SNRNP200: variants seen among roughly 807,000 people sequenced by gnomAD.
The protein encoded by SNRNP200 is small nuclear ribonucleoprotein U5 subunit 200.
Under a neutral mutation model 255.2 loss-of-function variants are expected in SNRNP200, and 66 were observed. That is an observed-to-expected ratio of 0.26 (90% CI 0.21 to 0.32). The LOEUF (loss-of-function observed/expected upper bound fraction) is 0.32. Among genes scored for constraint, SNRNP200 ranks in the 10% least tolerant of loss-of-function variants. The pLI is 1.00. For missense variants in SNRNP200, 1,585 were observed against 2,749.8 expected, an observed-to-expected ratio of 0.58 and a Z score of 9.47; for synonymous variants, 939 against 1,027.8, an observed-to-expected ratio of 0.91 and a Z score of 1.65.
At position 96,281,886 on chromosome 2, in the gene SNRNP200, C is replaced by A; in HGVS notation, c.4952G>T (p.Cys1651Phe). ...GTGGGCAGCCACGTTCATGCCCCAG[C>A]AGAGACTCCGAGAAGCCACCACCAC... ...IQVVVASRSL[C>F]WGMNVAAHLV... Residue 1651 changes from cysteine to phenylalanine, a missense_variant, in exon 35 of 45, where the codon TGC becomes TTC. Coordinates refer to ENST00000323853, the MANE Select transcript of SNRNP200 (RefSeq NM_014014.5). 6.2e-7 allele frequency: 1 copy of A among 1,614,110 alleles called. No homozygotes were observed. The highest frequency in any genetic ancestry group is 8.5e-7 in the Non-Finnish European group (1 of 1,179,996).
chr2:96,289,129 A>T lies in SNRNP200; in HGVS notation c.3094-12T>A. The T allele has an allele frequency of 6.2e-7, 1 of 1,613,882 alleles. No individual in the cohort carries two copies. Among genetic ancestry groups the T allele is most frequent in the South Asian group, 1.1e-5 (1 of 90,990 alleles). On this transcript the variant is annotated splice_polypyrimidine_tract_variant and intron_variant, in intron 22 of 44. Transcript: ENST00000323853. ...TCCAGCTTCTCCTCCTGCCACAAGG[A>T]GGAAAAGGTCAAGGGAAAGCCTTGT...
chr2:96,296,801 T>C, intron 12 of SNRNP200, 110 bp from the exon 13 acceptor site: 2 of 1,548,506 alleles, frequency 1.3e-6, no homozygotes, highest in Admixed American at 3.4e-5. Flanking sequence ...CTGGGCACTT[T>C]ATCCTACTAT....
At chr2:96,301,503 G>A in intron 4 of SNRNP200, 21 bp downstream of exon 4, 1 of 1,612,848 alleles carries the variant, frequency 6.2e-7, no homozygotes, top group African/African-American at 1.3e-5. Context: ...AACATGATCA[G>A]AACATAAAGC....
chr2:96,287,165 A>C lies in SNRNP200; in HGVS notation c.3485-5T>G. 1.2e-6 allele frequency: 2 copies of C among 1,614,156 alleles called. No individual in the cohort carries two copies. The highest frequency in any genetic ancestry group is 1.7e-6 in the Non-Finnish European group (2 of 1,180,014). On this transcript the variant is annotated splice_polypyrimidine_tract_variant and splice_region_variant and intron_variant, in intron 26 of 44. Transcript: ENST00000323853. The surrounding 1 kb of genome is among the most constrained non-coding windows in gnomAD (Gnocchi z 5.7). ...TTGGCATGCGGATAAGCTCCCCTAC[A>C]AGGAAATGAGAGTACTGAGGCTGCA...
At position 96,277,277 on chromosome 2, in the gene SNRNP200, C is replaced by G; in HGVS notation, c.5932-36G>C. ...TATTCAGACGTCAGGAAAGAGAGAA[C>G]ACGGGCCAACAGCAAATGACACAGG... On this transcript the variant is annotated intron_variant, in intron 41 of 44. Coordinates refer to ENST00000323853, the MANE Select transcript of SNRNP200 (RefSeq NM_014014.5). This position sits in a 1 kb window ranked among gnomAD's most constrained non-coding sequence, Gnocchi z 4.4. 6.2e-7 allele frequency: 1 copy of G among 1,610,460 alleles called. No individual in the cohort carries two copies. The highest frequency in any genetic ancestry group is 8.5e-7 in the Non-Finnish European group (1 of 1,176,824).
At position 96,289,413 on chromosome 2, in the gene SNRNP200, T is replaced by G. The variant is rs374651689; in HGVS notation, c.2941-34A>C. On this transcript the variant is annotated intron_variant, in intron 21 of 44. Coordinates refer to ENST00000323853, the MANE Select transcript of SNRNP200 (RefSeq NM_014014.5). ...AAGGTAGACTCAATCCAGTGCTGAC[T>G]ATTAATGAGCTCCAACCTCTAACTG... 7 of 1,611,370 alleles carry G rather than the reference T, an allele frequency of 4.3e-6. No homozygotes were observed. In the African/African-American group the frequency reaches 9.3e-5, roughly 22 times the overall value.
chr2:96,284,537 C>T lies in SNRNP200; in HGVS notation c.4213G>A (p.Val1405Met), dbSNP rs1426966036. The T allele has an allele frequency of 2.5e-6, 4 of 1,613,980 alleles. No individual in the cohort carries two copies. The highest frequency in any genetic ancestry group is 3.4e-6 in the Non-Finnish European group (4 of 1,180,022). Reference sequence around the variant, plus strand: ...CTGGTCTCGCCTGTCAGGAGTACCACCTTCTTGTTGAGCCTGTCCTGGAAC... The same window carrying T: ...CTGGTCTCGCCTGTCAGGAGTACCATCTTCTTGTTGAGCCTGTCCTGGAAC... ...EKFQDRLNKK[V>M]VLLTGETSTD... The change falls in exon 31 of 45, where the codon GTG (valine) becomes ATG (methionine). Residue 1405 changes from valine to methionine, a missense_variant. By Grantham distance (21) the Val-to-Met change is conservative (BLOSUM62 1). This residue lies in a region of SNRNP200 where 719 missense variants were observed against 1,091.1 expected (regional missense o/e 0.66). Coordinates refer to ENST00000323853, the MANE Select transcript of SNRNP200 (RefSeq NM_014014.5).
At chr2:96,299,085 TC>T in intron 6 of SNRNP200, 118 bp from the exon 7 acceptor site, 1 of 1,355,780 alleles carries the variant, frequency 7.4e-7, no homozygotes, top group Non-Finnish European at 1.0e-6. Context: ...GTGAGGACTT[TC>T]CAGAGGAAAA....
rs769319911 is a variant in SNRNP200 at position 96,284,351 on chromosome 2, G to A, written c.4392+7C>T. ...TCCCTCATCTGTGCTGCAAGGTCAC[G>A]CCATACCCCATTCTCGCCCCCGATA... On this transcript the variant is annotated splice_region_variant and intron_variant, in intron 31 of 44. Transcript: ENST00000323853. 26 of 1,610,138 alleles carry A rather than the reference G, an allele frequency of 1.6e-5. No individual in the cohort carries two copies. The highest frequency in any genetic ancestry group is 4.5e-5 in the East Asian group (2 of 44,868).
At position 96,291,511 on chromosome 2, in the gene SNRNP200, C is replaced by A. The variant is rs773685067; in HGVS notation, c.2311-9G>T. The A allele has an allele frequency of 1.6e-5, 26 of 1,582,602 alleles. No individual in the cohort carries two copies. Among genetic ancestry groups the A allele is most frequent in the Non-Finnish European group, 2.2e-5 (25 of 1,151,412 alleles). ...TCCTTCAGCTCTAGGTTCTGTGGAA[C>A]AAAGAACCGGGGATGAGGCGAGCCT... is the stretch of plus-strand genomic sequence containing the variant. On this transcript the variant is annotated splice_polypyrimidine_tract_variant and intron_variant, in intron 17 of 44. Coordinates refer to ENST00000323853, the MANE Select transcript of SNRNP200 (RefSeq NM_014014.5). The surrounding 1 kb of genome is among the most constrained non-coding windows in gnomAD (Gnocchi z 4.2).
chr2:96,286,224 G>C lies in SNRNP200; in HGVS notation c.4003+87C>G. ...GAGCTCCCAGACCTCCCAAGTGCCTGAGCACCCCCACTCCCCTGCCTGCCA... is the reference window on the plus strand; with the variant it reads ...GAGCTCCCAGACCTCCCAAGTGCCTCAGCACCCCCACTCCCCTGCCTGCCA... On this transcript the variant is annotated intron_variant, in intron 29 of 44. Coordinates refer to ENST00000323853, the MANE Select transcript of SNRNP200 (RefSeq NM_014014.5). The surrounding 1 kb of genome is among the most constrained non-coding windows in gnomAD (Gnocchi z 4.8). 7.2e-7 allele frequency: 1 copy of C among 1,385,994 alleles called. No individual in the cohort carries two copies. Among genetic ancestry groups the C allele is most frequent in the Non-Finnish European group, 1.0e-6 (1 of 973,836 alleles). The allele number at this position is 1,385,994 out of a possible 1,614,324, so 85.9% of individuals were successfully genotyped here.
chr2:96,283,974 G>A lies in SNRNP200; in HGVS notation c.4423C>T (p.Arg1475Cys), dbSNP rs1573991823. Reference protein sequence around the residue: ...PVLEVICSRMRYISSQIERPI... With the variant: ...PVLEVICSRMCYISSQIERPI... Reference sequence around the variant, plus strand: ...CGCTCAATCTGGGAGGAGATGTAGCGCATTCGGGAGCAGATCACTTCTAAG... The same window carrying A: ...CGCTCAATCTGGGAGGAGATGTAGCACATTCGGGAGCAGATCACTTCTAAG... Residue 1475 changes from arginine (R) to cysteine (C), a missense_variant, in exon 32 of 45, where the codon CGC becomes TGC. By Grantham distance (180) the Arg-to-Cys change is radical. Around this residue, in one of 9 missense-constraint regions of SNRNP200, gnomAD observed 719 missense variants for 1,091.1 expected, o/e 0.66. Coordinates refer to ENST00000323853, the MANE Select transcript of SNRNP200 (RefSeq NM_014014.5). This position sits in a 1 kb window ranked among gnomAD's most constrained non-coding sequence, Gnocchi z 4.7. 3.1e-6 allele frequency: 5 copies of A among 1,593,008 alleles called. No homozygotes were observed. Among genetic ancestry groups the A allele is most frequent in the Non-Finnish European group, 3.4e-6 (4 of 1,170,222 alleles).
chr2:96,274,897 T>C lies in SNRNP200; in HGVS notation c.*115A>G. Reference sequence around the variant, plus strand: ...AGGTAGGCGGGGACAGCACCAGCCCTGGCTGGCCAGACCTGAGGCCCACAG... The same window carrying C: ...AGGTAGGCGGGGACAGCACCAGCCCCGGCTGGCCAGACCTGAGGCCCACAG... On this transcript the variant is annotated 3_prime_UTR_variant, in exon 45 of 45. Transcript: ENST00000323853. 8.1e-7 allele frequency: 1 copy of C among 1,234,226 alleles called. No homozygotes were observed. The highest frequency in any genetic ancestry group is 1.2e-6 in the Non-Finnish European group (1 of 843,034). The allele number at this position is 1,234,226 out of a possible 1,614,324, so 76.5% of individuals were successfully genotyped here.
rs1327398074 is a variant in SNRNP200 at position 96,279,014 on chromosome 2, G to A, written c.5134-16C>T. On this transcript the variant is annotated splice_polypyrimidine_tract_variant and intron_variant, in intron 36 of 44. Coordinates refer to ENST00000323853, the MANE Select transcript of SNRNP200 (RefSeq NM_014014.5). ...TGAAGAAATCCTGTGGGTTGGAGAG[G>A]GAGAAGGAGTAATAAAGAATTAGTG... 6 of 1,604,210 alleles carry A rather than the reference G, an allele frequency of 3.7e-6. No individual in the cohort carries two copies. In the African/African-American group the frequency reaches 6.7e-5, roughly 18 times the overall value.
chr2:96,295,392 T>C (rs1480981809), intron 14 of SNRNP200, 96 bp downstream of exon 14: 6 of 1,521,474 alleles, frequency 3.9e-6, no homozygotes, highest in Non-Finnish European at 5.4e-6. Flanking sequence ...GGCTAGTGCC[T>C]ACAGAAAAGG....
In SNRNP200 at chr2:96,291,951, G is replaced by C. The variant is rs760019937; in HGVS notation, c.2161-51C>G. ...AGTCACGAGATACTCACAGCCCCAG[G>C]GCACCTGCAGCAGGAAGCAGAAGTT... On this transcript the variant is annotated intron_variant, in intron 16 of 44. Coordinates refer to ENST00000323853, the MANE Select transcript of SNRNP200 (RefSeq NM_014014.5). This position sits in a 1 kb window ranked among gnomAD's most constrained non-coding sequence, Gnocchi z 4.2. The C allele has an allele frequency of 6.2e-7, 1 of 1,603,234 alleles. No homozygotes were observed. The highest frequency in any genetic ancestry group is 1.7e-5 in the Admixed American group (1 of 59,944).
At chr2:96,293,892 G>A (rs921811269) in intron 14 of SNRNP200, among the ~76,000 whole-genome samples, 2 of 152,186 alleles carry the variant, frequency 1.3e-5, no homozygotes, top group Admixed American at 1.3e-4. Flanking sequence ...CAAATGATGA[G>A]TTTGAATAGT....
At chr2:96,304,608 G>A in intron 2 of SNRNP200, 97 bp downstream of exon 2, 2 of 1,508,312 alleles carry the variant, frequency 1.3e-6, no homozygotes, top group Non-Finnish European at 1.8e-6. Flanking sequence ...TAATGCCACT[G>A]ATCTTACACC....
At position 96,298,655 on chromosome 2, in the gene SNRNP200, A is replaced by G. The variant is rs150302405; in HGVS notation, c.930T>C (p.Leu310=). ...RECENQLVLL[L]GFNTFDFIKV... ...TAATGAAATCAAAGGTGTTGAAACC[A>G]AGCAGCAGAACCAGCTGATTTTCAC... The change falls in exon 8 of 45, where the codon CTT becomes CTC. Residue 310 remains leucine (L), a synonymous_variant. Coordinates refer to ENST00000323853, the MANE Select transcript of SNRNP200 (RefSeq NM_014014.5). 16 of 1,614,076 alleles carry G rather than the reference A, an allele frequency of 9.9e-6. No homozygotes were observed. The highest frequency in any genetic ancestry group is 1.4e-5 in the Non-Finnish European group (16 of 1,180,042).
Sources: allele counts gnomAD v4.1 joint callset (sites outside exome capture counted in the v4.1 genomes callset), GRCh38; gene constraint gnomAD v4.1.1; regional missense constraint gnomAD v4.1.1; non-coding constraint Gnocchi (gnomAD v3.1); transcripts MANE v1.5; gene names NCBI Gene and HGNC (gene_info 2026-07-23, HGNC 2026-07-21).